Variants in TOGARAM2 observed in about 807,000 individuals in gnomAD.
The protein encoded by TOGARAM2 is TOG array regulator of axonemal microtubules 2.
In TOGARAM2, 85 loss-of-function variants were observed where a neutral mutation model predicts 93.3. That is an observed-to-expected ratio of 0.91 (90% confidence interval 0.76 to 1.09). The LOEUF (loss-of-function observed/expected upper bound fraction) is 1.09. TOGARAM2 is among the 50% of genes least tolerant of loss of function. TOGARAM2 has a pLI of 0.00. For missense variants in TOGARAM2, 1,277 were observed against 1,334.5 expected (o/e 0.96, Z 0.67); for synonymous variants, 593 against 552.8 (o/e 1.07, Z -1.02).
rs889692854 is a variant in TOGARAM2, at chr2:29,022,126, T to A, written c.1361-32T>A. 1.9e-6 allele frequency: 3 copies of A among 1,613,502 alleles called. No individual in the cohort carries two copies. In the African/African-American group the frequency reaches 4.0e-5, roughly 22 times the overall value. On this transcript the variant is annotated intron_variant, in intron 10 of 19. Coordinates refer to ENST00000379558, the MANE Select transcript of TOGARAM2 (RefSeq NM_199280.4). ...TCGGGCTCTTGCCTGTCCTGCTGCG[T>A]GAAGCCTGCTGTTTCTTTCTTGTGA...
intron 1 of TOGARAM2, among the ~76,000 whole-genome samples, chr2:28,989,133 T>A (rs1167754470): frequency 6.6e-6 from 1 of 152,174 alleles, no homozygotes; most frequent in Non-Finnish European, 1.5e-5. Flanking sequence ...CACTGCAACC[T>A]CTGCCTCCCA....
At chr2:29,005,479 ATGTGTGCATGTG>A (rs1014349913) in intron 6 of TOGARAM2, among the ~76,000 whole-genome samples, 22 of 92,876 alleles carry the variant, frequency 2.4e-4, no homozygotes, top group Admixed American at 1.9e-3. Context: ...ATGTGTGTGC[ATGTGTGCATGTG>A]TGTGAGTGCA....
At chr2:28,992,448 T>C (rs952276864) in intron 1 of TOGARAM2, among the ~76,000 whole-genome samples, 2 of 152,102 alleles carry the variant, frequency 1.3e-5, no homozygotes, top group African/African-American at 2.4e-5. Flanking sequence ...TTCCTTTCCA[T>C]ACTGCTGGTG....
At chr2:28,984,119 C>T (rs141041462) in intron 1 of TOGARAM2, among the ~76,000 whole-genome samples, 2 of 152,098 alleles carry the variant, frequency 1.3e-5, no homozygotes, top group African/African-American at 4.8e-5. Flanking sequence ...GAATTACAGA[C>T]CCAGGCTCCA....
At chr2:29,050,202 TA>T (rs1236990757) in intron 19 of TOGARAM2, 2 of 151,882 alleles carry the variant, frequency 1.3e-5, no homozygotes, top group African/African-American at 2.4e-5. Context: ...AAAAAATTTT[TA>T]AAAAAATAAC....
chr2:29,041,557 A>C (rs1387098568), intron 18 of TOGARAM2, among the ~76,000 whole-genome samples: 1 of 152,154 alleles, frequency 6.6e-6, no homozygotes. Flanking sequence ...AAAAGCTCTT[A>C]TCTGGCTTCC....
chr2:29,035,359 C>T (rs1360796318), intron 16 of TOGARAM2, 105 bp from the exon 17 acceptor site: 1 of 1,091,522 alleles, frequency 9.2e-7, no homozygotes, highest in African/African-American at 1.6e-5. Flanking sequence ...AGGTGACACT[C>T]TTGTCTCTGC....
chr2:28,971,336 G>A (rs190123463), intron 1 of TOGARAM2, among the ~76,000 whole-genome samples: 260 of 151,966 alleles, frequency 1.7e-3, no homozygotes, highest in Non-Finnish European at 2.7e-3. Context: ...CTCAGCTTTC[G>A]GAGTAGCTGG....
intron 1 of TOGARAM2, among the ~76,000 whole-genome samples, chr2:28,990,505 G>T (rs2148256748): frequency 6.6e-6 from 1 of 152,310 alleles, no homozygotes; most frequent in African/African-American, 2.4e-5. Flanking sequence ...CCAGACCCCA[G>T]ACTCACAGGC....
At chr2:29,005,791 CATGTGT>C (rs1445654250) in intron 6 of TOGARAM2, among the ~76,000 whole-genome samples, 1 of 90,408 alleles carries the variant, frequency 1.1e-5, no homozygotes, top group East Asian at 3.4e-4. Flanking sequence ...TCTGTGTGTG[CATGTGT>C]ATGAGTGCAT....
In TOGARAM2 at chr2:29,029,423, C is replaced by G. The variant is rs1665615162; in HGVS notation, c.2012+2412C>G. On this transcript the variant is annotated intron_variant, in intron 14 of 19. Transcript: ENST00000379558. ...AAACCAAACATCGTATGTTGTCACTCATAAGTGGGAGCTAAGCTATGAGGA... is the reference window on the plus strand; with the variant it reads ...AAACCAAACATCGTATGTTGTCACTGATAAGTGGGAGCTAAGCTATGAGGA... 3.3e-5 allele frequency among the ~76,000 whole-genome samples: 5 copies of G among 152,160 alleles called. No homozygotes were observed. The South Asian group carries it at 1.0e-3, about 32-fold the overall frequency.
At chr2:28,999,931 T>G (rs1043745236) in intron 4 of TOGARAM2, among the ~76,000 whole-genome samples, 8 of 152,058 alleles carry the variant, frequency 5.3e-5, no homozygotes. Context: ...TGCCTGAGGT[T>G]TAGAGCCACT....
intron 2 of TOGARAM2, among the ~76,000 whole-genome samples, chr2:28,995,545 A>G (rs12714251): frequency 0.65 from 98,967 of 152,128 alleles, 34,845 homozygotes; most frequent in Middle Eastern, 0.79. Flanking sequence ...ATGAATCGGA[A>G]AAGACCTGCT....
intron 1 of TOGARAM2, among the ~76,000 whole-genome samples, chr2:28,989,051 T>C (rs761921166): frequency 1.3e-5 from 2 of 152,176 alleles, no homozygotes; most frequent in Non-Finnish European, 2.9e-5. Context: ...GGTCAGGTTT[T>C]TGTATTTTTA....
chr2:28,962,225 G>A (rs890825693), intron 1 of TOGARAM2, among the ~76,000 whole-genome samples: 4 of 151,456 alleles, frequency 2.6e-5, no homozygotes, highest in Admixed American at 2.6e-4. Flanking sequence ...ACCCAGGCTG[G>A]AGTGCACTGT....
At chr2:28,993,078 A>G (rs1034640256) in intron 1 of TOGARAM2, among the ~76,000 whole-genome samples, 1 of 139,188 alleles carries the variant, frequency 7.2e-6, no homozygotes, top group African/African-American at 2.7e-5. Context: ...AAAAAAAAAA[A>G]TCAGAAGTTA....
chr2:28,998,387 C>T (rs927811801), intron 3 of TOGARAM2, 134 bp downstream of exon 3: 2 of 632,170 alleles, frequency 3.2e-6, no homozygotes, highest in African/African-American at 3.7e-5. Flanking sequence ...CTGAAAATAC[C>T]CTTTGATTCT....
In TOGARAM2 at chr2:29,002,520, C is replaced by G. The variant is rs1201721698; in HGVS notation, c.428-16C>G. On this transcript the variant is annotated splice_polypyrimidine_tract_variant and intron_variant, in intron 4 of 19. Coordinates refer to ENST00000379558, the MANE Select transcript of TOGARAM2 (RefSeq NM_199280.4). Reference sequence around the variant, plus strand: ...CTTCTGGGACTAACTGATTTCCCATCCCCATCCCTGTACAGCCTCTCTGGA... The same window carrying G: ...CTTCTGGGACTAACTGATTTCCCATGCCCATCCCTGTACAGCCTCTCTGGA... 1.9e-6 allele frequency: 3 copies of G among 1,607,636 alleles called. No homozygotes were observed. In the South Asian group the frequency reaches 3.3e-5, roughly 18 times the overall value.
chr2:29,009,777 T>C (rs1467179819), intron 6 of TOGARAM2, among the ~76,000 whole-genome samples: 1 of 151,956 alleles, frequency 6.6e-6, no homozygotes, highest in Non-Finnish European at 1.5e-5. Context: ...TTGCTGCTCC[T>C]GCTCCACCCA....
Sources: gnomAD v4.1 joint callset for allele counts (sites outside exome capture counted in the v4.1 genomes callset) on GRCh38, gnomAD v4.1.1 for gene constraint, MANE v1.5 for transcripts, NCBI Gene and HGNC (gene_info 2026-07-23, HGNC 2026-07-21) for gene names.